Variants in DBN1 observed in about 807,000 individuals in gnomAD.
DBN1 encodes drebrin.
A neutral mutation model predicts 83.5 loss-of-function variants in DBN1; 21 were observed. That is an observed-to-expected ratio of 0.25 (90% CI 0.18 to 0.36). DBN1 has a LOEUF of 0.36. Among genes scored for constraint, DBN1 ranks in the 10% least tolerant of loss-of-function variants. The pLI, the probability that DBN1 is intolerant of heterozygous loss-of-function variation, is 1.00. For synonymous variants in DBN1, 381 were observed against 384.9 expected, an observed-to-expected ratio of 0.99 and a Z score of 0.12; for missense variants, 874 against 935.7, an observed-to-expected ratio of 0.93 and a Z score of 0.86.
rs749644699 is a variant in DBN1 at position 177,457,425 on chromosome 5, C to T, written c.*8G>A. ...CTTGGCAAGGGTAGCCTAGGGCTGG[C>T]GCCACCGCTAATCACCACCCTCGAA... is the stretch of plus-strand genomic sequence containing the variant. On this transcript the variant is annotated 3_prime_UTR_variant, in exon 15 of 15. Coordinates refer to ENST00000393565, the MANE Select transcript of DBN1 (RefSeq NM_001363541.2). 1.1e-5 allele frequency: 17 copies of T among 1,612,810 alleles called. No individual in the cohort carries two copies. The Admixed American group carries it at 1.5e-4, about 14-fold the overall frequency.
chr5:177,468,863 G>C lies in DBN1; in HGVS notation c.123C>G (p.Leu41=). The C allele has an allele frequency of 7.6e-7, 1 of 1,322,562 alleles. No homozygotes were observed. The highest frequency in any genetic ancestry group is 9.7e-7 in the Non-Finnish European group (1 of 1,027,132). 81.9% of individuals were successfully genotyped at this position (1,322,562 alleles called of 1,614,324 possible). Residue 41 remains leucine, a synonymous_variant, in exon 2 of 15, where the codon CTC becomes CTG. Coordinates refer to ENST00000393565, the MANE Select transcript of DBN1 (RefSeq NM_001363541.2). The part of the protein sequence containing the change: ...LYTYEDGSDD[L]KLAASGEGGL... ...TCCTACCTCCTGATGCTGCAAGCTT[G>C]AGGTCATCGGAGCCATCTTCATATG... is the stretch of plus-strand genomic sequence containing the variant.
intron 8 of DBN1, among the ~76,000 whole-genome samples, chr5:177,462,988 C>T (rs1219814330): frequency 6.6e-6 from 1 of 152,172 alleles, no homozygotes; most frequent in Non-Finnish European, 1.5e-5. Flanking sequence ...GCTGTAATCT[C>T]AGTTGGTTCC....
Position 177,457,339 on chromosome 5 carries a change from G to T in DBN1, c.*94C>A. 9.3e-7 allele frequency: 1 copy of T among 1,070,210 alleles called. No homozygotes were observed. Among genetic ancestry groups the T allele is most frequent in the Non-Finnish European group, 1.4e-6 (1 of 689,778 alleles). 66.3% of individuals were successfully genotyped at this position (1,070,210 alleles called of 1,614,324 possible). On this transcript the variant is annotated 3_prime_UTR_variant, in exon 15 of 15. Transcript: ENST00000393565. The stretch of plus-strand genomic sequence containing the variant: ...CGGAATCCGGAGTGGGTGCCAGGCG[G>T]AGCTGCTGCGAATGCAGGCACGGCG...
chr5:177,462,421 C>G (rs148017541), intron 8 of DBN1: 115 of 985,410 alleles, frequency 1.2e-4, no homozygotes, highest in Non-Finnish European at 4.1e-5. Context: ...GACCTCTGAA[C>G]AAGAGGCTTG....
chr5:177,461,257 C>A (rs1237622228), intron 8 of DBN1, among the ~76,000 whole-genome samples: 1 of 151,528 alleles, frequency 6.6e-6, no homozygotes, highest in Non-Finnish European at 1.5e-5. Flanking sequence ...CGCCACTACG[C>A]CCGGCTAATT....
At chr5:177,459,400 G>A (rs1432112687) in intron 11 of DBN1, 132 bp from the exon 12 acceptor site, 14 of 1,444,376 alleles carry the variant, frequency 9.7e-6, no homozygotes, top group South Asian at 1.4e-5. Context: ...AGCCCCACCA[G>A]GGGCCAGACT....
chr5:177,459,850 G>C, intron 10 of DBN1, 110 bp from the exon 11 acceptor site: 1 of 1,241,668 alleles, frequency 8.1e-7, no homozygotes. Context: ...GGATGTCCAA[G>C]CTGCCTTCAG....
chr5:177,462,086 G>A (rs988319799), intron 8 of DBN1: 11 of 344,676 alleles, frequency 3.2e-5, no homozygotes, highest in South Asian at 1.2e-4. Flanking sequence ...CCCCACCATC[G>A]CCTACTGGCT....
chr5:177,458,352 C>A lies in DBN1; in HGVS notation c.1620G>T (p.Arg540Ser). 1 of 1,613,470 alleles carries A rather than the reference C, an allele frequency of 6.2e-7. No homozygotes were observed. Among genetic ancestry groups the A allele is most frequent in the Non-Finnish European group, 8.5e-7 (1 of 1,179,556 alleles). The part of the protein sequence containing the change: ...EGASTLQGEP[R>S]APTPPSGTEV... ...CAGTACCCGAGGGTGGCGTGGGGGC[C>A]CTGGGCTCACCCTGGAGTGTGGAGG... Residue 540 changes from arginine (R) to serine (S), a missense_variant, in exon 13 of 15, where the codon AGG becomes AGT. Arg to Ser is a moderately radical substitution (Grantham distance 110). Coordinates refer to ENST00000393565, the MANE Select transcript of DBN1 (RefSeq NM_001363541.2).
In DBN1 at chr5:177,457,255, G is replaced by A; in HGVS notation, c.*178C>T. 1.6e-6 allele frequency: 1 copy of A among 623,494 alleles called. No homozygotes were observed. The highest frequency in any genetic ancestry group is 2.7e-5 in the East Asian group (1 of 36,946). 38.6% of individuals were successfully genotyped at this position (623,494 alleles called of 1,614,324 possible). ...CTCCTATCAACTTTTTAAAAAAAGA[G>A]AAAAGCTGTAAAAGTCAGGCCCTGT... On this transcript the variant is annotated 3_prime_UTR_variant, in exon 15 of 15. Transcript: ENST00000393565.
At chr5:177,465,026 CA>C (rs1262482025) in intron 8 of DBN1, among the ~76,000 whole-genome samples, 8 of 152,144 alleles carry the variant, frequency 5.3e-5, no homozygotes, top group African/African-American at 1.9e-4. Flanking sequence ...TGGTGGCGGG[CA>C]CCTGTAGTCC....
Position 177,458,423 on chromosome 5 carries a change from C to T in DBN1, c.1549G>A (p.Ala517Thr), listed in dbSNP as rs1279085248. 6.8e-6 allele frequency: 11 copies of T among 1,613,980 alleles called. No homozygotes were observed. In the Admixed American group the frequency reaches 1.3e-4, roughly 20 times the overall value. ...DTTVANNVPP[A>T]ATSLIDLWPG... ...CATAGGTCAATGAGGCTGGTGGCGG[C>T]GGGGGGTACGTTGTTGGCAACAGTG... The change falls in exon 13 of 15, where the codon GCC becomes ACC. Residue 517 changes from alanine (A) to threonine (T), a missense_variant. Physicochemically the swap from Ala to Thr is moderately conservative, Grantham distance 58 (BLOSUM62 0). Transcript: ENST00000393565.
At chr5:177,473,018 G>A in intron 1 of DBN1, 1 of 192,722 alleles carries the variant, frequency 5.2e-6, no homozygotes, top group Non-Finnish European at 9.5e-6. Flanking sequence ...CCGCTAGCTC[G>A]GTCCCCGCCC....
Position 177,467,152 on chromosome 5 carries a change from C to A in DBN1, c.556-90G>T. 2 of 1,602,988 alleles carry A rather than the reference C, an allele frequency of 1.2e-6. No individual in the cohort carries two copies. The highest frequency in any genetic ancestry group is 1.7e-6 in the Non-Finnish European group (2 of 1,171,538). ...CCCCTCCCTAACCCAGCGCTGGGGGCGGGGCACGTGGCATGGGCCATGCCA... is the reference window on the plus strand; with the variant it reads ...CCCCTCCCTAACCCAGCGCTGGGGGAGGGGCACGTGGCATGGGCCATGCCA... On this transcript the variant is annotated intron_variant, in intron 6 of 14. Coordinates refer to ENST00000393565, the MANE Select transcript of DBN1 (RefSeq NM_001363541.2). The surrounding 1 kb of genome is among the most constrained non-coding windows in gnomAD (Gnocchi z 9.1).
Position 177,459,727 on chromosome 5 carries a change from G to C in DBN1, c.969C>G (p.Cys323Trp), listed in dbSNP as rs1188581750. The change falls in exon 11 of 15, where the codon TGC (cysteine) becomes TGG (tryptophan). Residue 323 changes from cysteine to tryptophan, a missense_variant. Around this residue, in one of 4 missense-constraint regions of DBN1, gnomAD observed 725 missense variants for 719.7 expected, o/e 1.01. Transcript: ENST00000393565. ...CACTGTCCGATGCCTTTATGAAAGG[G>C]CAGTACGGACGACCTGCCGAGAGAG... is the stretch of plus-strand genomic sequence containing the variant. ...PFNHRPGRPY[C>W]PFIKASDSGP... is the part of the protein sequence containing the mutation. The C allele has an allele frequency of 6.5e-7, 1 of 1,544,016 alleles. No homozygotes were observed. Among genetic ancestry groups the C allele is most frequent in the Non-Finnish European group, 8.7e-7 (1 of 1,145,610 alleles).
In DBN1 at chr5:177,467,922, C is replaced by T. The variant is rs554158291; in HGVS notation, c.256-105G>A. ...GGAAGAGGGTGGGCTTCCCTCTCCACGGGTGTCAGAGGGCCGACGGGGAGG... is the reference window on the plus strand; with the variant it reads ...GGAAGAGGGTGGGCTTCCCTCTCCATGGGTGTCAGAGGGCCGACGGGGAGG... On this transcript the variant is annotated intron_variant, in intron 3 of 14. Coordinates refer to ENST00000393565, the MANE Select transcript of DBN1 (RefSeq NM_001363541.2). The surrounding 1 kb of genome is among the most constrained non-coding windows in gnomAD (Gnocchi z 9.1). 602 of 1,459,196 alleles carry T rather than the reference C, an allele frequency of 4.1e-4. 1 individual carries two copies. Among genetic ancestry groups the T allele is most frequent in the Admixed American group, 5.6e-4 (33 of 58,624 alleles). 90.4% of individuals were successfully genotyped at this position (1,459,196 alleles called of 1,614,324 possible).
chr5:177,457,269 G>A lies in DBN1; in HGVS notation c.*164C>T. On this transcript the variant is annotated 3_prime_UTR_variant, in exon 15 of 15. Coordinates refer to ENST00000393565, the MANE Select transcript of DBN1 (RefSeq NM_001363541.2). ...TTAAAAAAAGAGAAAAGCTGTAAAA[G>A]TCAGGCCCTGTGGGTAGGGAAGCGG... 1.5e-6 allele frequency: 1 copy of A among 661,660 alleles called. No individual in the cohort carries two copies. Among genetic ancestry groups the A allele is most frequent in the Non-Finnish European group, 2.7e-6 (1 of 368,514 alleles). 41.0% of individuals were successfully genotyped at this position (661,660 alleles called of 1,614,324 possible). A position where few individuals can be genotyped will look rare whatever the true frequency, so the allele number is the denominator to read the frequency against.
rs1002563561 is a variant in DBN1, at chr5:177,460,482, G to A, written c.905C>T (p.Ser302Leu). 12 of 1,613,980 alleles carry A rather than the reference G, an allele frequency of 7.4e-6. No homozygotes were observed. The Admixed American group carries it at 1.2e-4, about 16-fold the overall frequency. ...EFFKQQERVASASAGSCDVPS... is the reference protein window; with the variant it reads ...EFFKQQERVALASAGSCDVPS... ...TACATCACAGCTGCCCGCAGAGGCCGATGCGACTCTTTCCTGCTGCTTGAA... is the reference window on the plus strand; with the variant it reads ...TACATCACAGCTGCCCGCAGAGGCCAATGCGACTCTTTCCTGCTGCTTGAA... Residue 302 changes from serine to leucine, a missense_variant, in exon 10 of 15, where the codon TCG becomes TTG. Coordinates refer to ENST00000393565, the MANE Select transcript of DBN1 (RefSeq NM_001363541.2).
chr5:177,466,967 C>T lies in DBN1; in HGVS notation c.651G>A (p.Glu217=), dbSNP rs773140397. Residue 217 remains glutamate (E), a synonymous_variant, in exon 7 of 15, where the codon GAG becomes GAA. Coordinates refer to ENST00000393565, the MANE Select transcript of DBN1 (RefSeq NM_001363541.2). This position sits in a 1 kb window ranked among gnomAD's most constrained non-coding sequence, Gnocchi z 4.8. ...EQERMEQERQ[E]QEERERRYRE... is the part of the protein sequence containing the mutation. ...GGTAGCGCCGCTCGCGCTCCTCTTG[C>T]TCCTGCCGCTCCTGCTCCATCCGCT... The T allele has an allele frequency of 2.5e-6, 4 of 1,613,070 alleles. No homozygotes were observed. The highest frequency in any genetic ancestry group is 1.7e-5 in the Admixed American group (1 of 60,020).
Sources: gnomAD v4.1 joint callset for allele counts (sites outside exome capture counted in the v4.1 genomes callset) on GRCh38, gnomAD v4.1.1 for gene constraint, gnomAD v4.1.1 regional missense constraint, Gnocchi (gnomAD v3.1) non-coding constraint, MANE v1.5 for transcripts, NCBI Gene and HGNC (gene_info 2026-07-23, HGNC 2026-07-21) for gene names.